The following GRM5 variants were observed in gnomAD, a reference collection of about 807,000 sequenced individuals.
GRM5 encodes the protein metabotropic glutamate receptor 5.
In GRM5, 19 loss-of-function variants were observed where a neutral mutation model predicts 83.1. That is an observed-to-expected ratio of 0.23 (90% CI 0.16 to 0.34). The LOEUF (loss-of-function observed/expected upper bound fraction) is 0.34. GRM5 is among the 10% of genes least tolerant of loss of function. The pLI is 1.00. For missense variants in GRM5, 1,160 were observed against 1,588.3 expected (o/e 0.73, Z 4.58); for synonymous variants, 675 against 633.6 (o/e 1.07, Z -0.98).
intron 4 of GRM5, among the ~76,000 whole-genome samples, chr11:88,638,464 C>T (rs536190951): frequency 2.0e-5 from 3 of 151,858 alleles, no homozygotes; most frequent in Non-Finnish European, 4.4e-5. Context: ...GAGATATTTT[C>T]GTCTGGTTTT....
chr11:88,900,800 A>G (rs1013940369), intron 2 of GRM5, among the ~76,000 whole-genome samples: 8 of 152,284 alleles, frequency 5.3e-5, no homozygotes, highest in African/African-American at 1.9e-4. Flanking sequence ...ACTAAGATAG[A>G]GGTAAGCATC....
chr11:88,602,588 C>A (rs796258959), intron 5 of GRM5, among the ~76,000 whole-genome samples: 2 of 152,312 alleles, frequency 1.3e-5, no homozygotes, highest in African/African-American at 4.8e-5. Flanking sequence ...ACAAAAATAA[C>A]AACCTAATGT....
At chr11:88,928,359 T>G (rs1226333511) in intron 2 of GRM5, among the ~76,000 whole-genome samples, 1 of 151,996 alleles carries the variant, frequency 6.6e-6, no homozygotes, top group Non-Finnish European at 1.5e-5. Flanking sequence ...ACTTGTGGGT[T>G]GCGATAACTG....
intron 1 of GRM5, among the ~76,000 whole-genome samples, chr11:89,055,024 T>C (rs1429712874): frequency 6.6e-6 from 1 of 152,232 alleles, no homozygotes; most frequent in Non-Finnish European, 1.5e-5. Context: ...CTTTCTCCCT[T>C]GAGACCTTAT....
chr11:89,030,423 A>G (rs529420654), intron 2 of GRM5, among the ~76,000 whole-genome samples: 17 of 152,104 alleles, frequency 1.1e-4, no homozygotes, highest in Admixed American at 3.9e-4. Context: ...GCAAGACAGA[A>G]ACAATCATAA....
intron 3 of GRM5, among the ~76,000 whole-genome samples, chr11:88,837,901 G>A (rs1052087565): frequency 2.5e-4 from 38 of 151,870 alleles, no homozygotes; most frequent in Non-Finnish European, 2.4e-4. Flanking sequence ...TGGCTAACAC[G>A]GTGAAACCCC....
At chr11:88,542,923 C>T (rs1482292150) in intron 8 of GRM5, among the ~76,000 whole-genome samples, 1 of 152,126 alleles carries the variant, frequency 6.6e-6, no homozygotes, top group African/African-American at 2.4e-5. Context: ...ACAAAATTAG[C>T]TAGGTATGGT....
chr11:89,028,555 A>T (rs944258827), intron 2 of GRM5, among the ~76,000 whole-genome samples: 1 of 152,188 alleles, frequency 6.6e-6, no homozygotes, highest in African/African-American at 2.4e-5. Flanking sequence ...ATGATCATGC[A>T]ACTGTACTCA....
Position 88,509,168 on chromosome 11 carries a change from G to T in GRM5, c.3063C>A (p.Pro1021=), listed in dbSNP as rs1306115675. 4 of 1,537,178 alleles carry T rather than the reference G, an allele frequency of 2.6e-6. No individual in the cohort carries two copies. The highest frequency in any genetic ancestry group is 3.5e-6 in the Non-Finnish European group (4 of 1,143,768). ...PAPARPRSPS[P]ISTLSHRAGS... is the part of the protein sequence containing the mutation. ...CCGCGCGGTGGCTCAGCGTGCTGAT[G>T]GGCGACGGTGAGCGCGGCCGCGCGG... Residue 1021 remains proline, a synonymous_variant, in exon 10 of 10, where the codon CCC becomes CCA. Transcript: ENST00000305447.
chr11:88,936,343 G>T (rs1937894144), intron 2 of GRM5, among the ~76,000 whole-genome samples: 1 of 151,852 alleles, frequency 6.6e-6, no homozygotes, highest in East Asian at 1.9e-4. Context: ...TGACCATATT[G>T]TTTTAAGCCT....
intron 3 of GRM5, among the ~76,000 whole-genome samples, chr11:88,743,456 C>A (rs1004833886): frequency 6.6e-6 from 1 of 152,110 alleles, no homozygotes; most frequent in African/African-American, 2.4e-5. Flanking sequence ...ATCCACACTT[C>A]TCATGCCAAA....
chr11:88,984,483 G>A (rs1052747699), intron 2 of GRM5, among the ~76,000 whole-genome samples: 1 of 152,098 alleles, frequency 6.6e-6, no homozygotes, highest in African/African-American at 2.4e-5. Context: ...GATGTTCACA[G>A]GATGAAACTG....
chr11:88,509,888 G>C (rs1443754597), intron 9 of GRM5, among the ~76,000 whole-genome samples: 1 of 152,150 alleles, frequency 6.6e-6, no homozygotes, highest in East Asian at 1.9e-4. Flanking sequence ...GTACAGGACA[G>C]GGGCTTCCTA....
intron 3 of GRM5, among the ~76,000 whole-genome samples, chr11:88,654,559 G>C (rs999340701): frequency 1.3e-5 from 2 of 152,010 alleles, no homozygotes; most frequent in South Asian, 2.1e-4. Flanking sequence ...GGAATATAGA[G>C]AGATTTAAGG....
At chr11:88,683,051 A>G (rs1226167032) in intron 3 of GRM5, among the ~76,000 whole-genome samples, 3 of 152,160 alleles carry the variant, frequency 2.0e-5, no homozygotes, top group Non-Finnish European at 2.9e-5. Flanking sequence ...ACAGAAAACA[A>G]GATACTTCCC....
chr11:88,862,927 C>T (rs570444188), intron 2 of GRM5, among the ~76,000 whole-genome samples: 1 of 152,022 alleles, frequency 6.6e-6, no homozygotes, highest in Admixed American at 6.6e-5. Context: ...AAGAAAAAAA[C>T]AACCCTATTA....
At chr11:88,958,909 G>C (rs1051129015) in intron 2 of GRM5, among the ~76,000 whole-genome samples, 2 of 152,042 alleles carry the variant, frequency 1.3e-5, no homozygotes, top group Non-Finnish European at 2.9e-5. Context: ...TTAGTGTGAA[G>C]GGTGGCATTT....
At chr11:89,024,354 A>G (rs1476749031) in intron 2 of GRM5, among the ~76,000 whole-genome samples, 1 of 152,230 alleles carries the variant, frequency 6.6e-6, no homozygotes, top group East Asian at 1.9e-4. Context: ...ATGCCTAATG[A>G]TCCCTCAACT....
rs1565350909 is a variant in GRM5 at position 89,047,579 on chromosome 11, G to A, written c.294C>T (p.Ser98=). The A allele has an allele frequency of 6.2e-7, 1 of 1,614,152 alleles. No homozygotes were observed. ...NITLGCEIRD[S]CWHSAVALEQ... ...CTAGGGCCACAGCCGAATGCCAGCA[G>A]GAGTCCCTTATCTCACAGCCCAGTG... The change falls in exon 2 of 10, where the codon TCC becomes TCT. Residue 98 remains serine (S), a synonymous_variant. Coordinates refer to ENST00000305447, the MANE Select transcript of GRM5 (RefSeq NM_001143831.3). The surrounding 1 kb of genome is among the most constrained non-coding windows in gnomAD (Gnocchi z 5.1).
Sources: allele counts gnomAD v4.1 joint callset (sites outside exome capture counted in the v4.1 genomes callset), GRCh38; gene constraint gnomAD v4.1.1; non-coding constraint Gnocchi (gnomAD v3.1); transcripts MANE v1.5; gene names NCBI Gene and HGNC (gene_info 2026-07-23, HGNC 2026-07-21).